RARB: variants seen among roughly 807,000 people sequenced by gnomAD.
The protein encoded by RARB is HBV-activated protein.
RARB carries 17 observed loss-of-function variants against 51.9 expected under a neutral mutation model. The ratio of observed to expected loss-of-function variants is 0.33; its 90% CI spans 0.22 to 0.49. The LOEUF (loss-of-function observed/expected upper bound fraction) is 0.49. RARB is among the 20% of genes least tolerant of loss of function. The pLI is 0.99. For missense variants in RARB, 369 were observed against 550.8 expected (o/e 0.67, Z 3.30); for synonymous variants, 215 against 195.4 (o/e 1.10, Z -0.84).
chr3:25,222,674 G>A (rs1701973081), intron 5 of RARB, among the ~76,000 whole-genome samples: 1 of 152,170 alleles, frequency 6.6e-6, no homozygotes, highest in African/African-American at 2.4e-5. Flanking sequence ...ATTCTGTTTA[G>A]AAACTTCACT....
chr3:25,275,884 T>G (rs755968594), intron 5 of RARB, among the ~76,000 whole-genome samples: 1 of 152,172 alleles, frequency 6.6e-6, no homozygotes, highest in African/African-American at 2.4e-5. Flanking sequence ...GTAACAAAGG[T>G]GCACGTTGTG....
chr3:24,839,865 G>A (rs970992831), intron 1 of RARB, among the ~76,000 whole-genome samples: 6 of 152,046 alleles, frequency 3.9e-5, no homozygotes, highest in East Asian at 3.8e-4. Context: ...AGAATGAATC[G>A]AAGTGCATGA....
intron 5 of RARB, among the ~76,000 whole-genome samples, chr3:25,328,106 G>C (rs536147981): frequency 6.6e-6 from 1 of 152,324 alleles, no homozygotes; most frequent in East Asian, 1.9e-4. Flanking sequence ...GTATAAGAGA[G>C]CTAATTCCTC....
intron 2 of RARB, among the ~76,000 whole-genome samples, chr3:24,990,999 A>G (rs1373796541): frequency 2.6e-5 from 4 of 152,226 alleles, no homozygotes; most frequent in African/African-American, 9.6e-5. Flanking sequence ...TCATTTTAAA[A>G]ATTACATTTT....
intron 5 of RARB, among the ~76,000 whole-genome samples, chr3:25,232,772 A>G (rs187300756): frequency 6.6e-6 from 1 of 152,168 alleles, no homozygotes; most frequent in Admixed American, 6.5e-5. Context: ...CTTTATCTAT[A>G]CAATCATTCT....
intron 5 of RARB, among the ~76,000 whole-genome samples, chr3:25,216,259 AT>A (rs1701830038): frequency 6.6e-6 from 1 of 151,990 alleles, no homozygotes; most frequent in African/African-American, 2.4e-5. Flanking sequence ...TTGGTAATTC[AT>A]TTCTTATTTT....
At chr3:25,449,352 T>C (rs1473135660) in intron 1 of RARB, among the ~76,000 whole-genome samples, 1 of 152,142 alleles carries the variant, frequency 6.6e-6, no homozygotes, top group African/African-American at 2.4e-5. Context: ...TGGGGGACTT[T>C]CCTATTTTAT....
intron 3 of RARB, among the ~76,000 whole-genome samples, chr3:25,079,343 C>G (rs1413918625): frequency 6.6e-6 from 1 of 152,256 alleles, no homozygotes; most frequent in East Asian, 1.9e-4. Flanking sequence ...TCTTCCTTTT[C>G]AAACTGAATG....
intron 5 of RARB, among the ~76,000 whole-genome samples, chr3:25,184,486 T>G (rs1156260362): frequency 1.3e-5 from 2 of 152,108 alleles, no homozygotes; most frequent in Non-Finnish European, 2.9e-5. Context: ...TTCATCTTGT[T>G]GAACCACAAT....
intron 4 of RARB, among the ~76,000 whole-genome samples, chr3:25,578,555 A>G (rs527275963): frequency 2.2e-4 from 34 of 152,340 alleles, no homozygotes; most frequent in African/African-American, 6.5e-4. Flanking sequence ...CTTCCGTGTC[A>G]TCTTCCTACG....
rs1473181902 is a variant in RARB, at chr3:25,334,357, G to A, written c.179-126836G>A. Reference sequence around the variant, plus strand: ...GGAATACTATGCAGCCATAAAAAAGGGATGAGTTCATGTCCTTTTTAGGGA... The same window carrying A: ...GGAATACTATGCAGCCATAAAAAAGAGATGAGTTCATGTCCTTTTTAGGGA... On this transcript the variant is annotated intron_variant, in intron 5 of 11. Transcript: ENST00000383772. Among the ~76,000 whole-genome samples the A allele has an allele frequency of 2.6e-5, 4 of 152,128 alleles. No homozygotes were observed. The South Asian group carries it at 6.2e-4, about 24-fold the overall frequency.
At chr3:25,146,492 G>GTTTTTTTTTTTTTTTT (rs751190061) in intron 4 of RARB, among the ~76,000 whole-genome samples, 2 of 126,328 alleles carry the variant, frequency 1.6e-5, no homozygotes, top group Non-Finnish European at 3.4e-5. Flanking sequence ...AATTTGCTAA[G>GTTTTTTTTTTTTTTTT]TTTTTTGTTT....
chr3:25,098,286 T>A (rs907085240), intron 3 of RARB, among the ~76,000 whole-genome samples: 1 of 152,124 alleles, frequency 6.6e-6, no homozygotes, highest in Non-Finnish European at 1.5e-5. Context: ...TCCAGAAAGA[T>A]TTTCATAACC....
chr3:25,091,357 G>A (rs1180625705), intron 3 of RARB, among the ~76,000 whole-genome samples: 1 of 152,156 alleles, frequency 6.6e-6, no homozygotes, highest in Non-Finnish European at 1.5e-5. Context: ...TTAGGAAAAT[G>A]AATTCTCAAG....
chr3:25,293,266 C>T (rs1703832913), intron 5 of RARB, among the ~76,000 whole-genome samples: 2 of 152,052 alleles, frequency 1.3e-5, no homozygotes, highest in South Asian at 4.1e-4. Flanking sequence ...CACTTACTGG[C>T]CGTGTCAGTC....
At chr3:24,970,946 T>C (rs774835331) in intron 2 of RARB, among the ~76,000 whole-genome samples, 1 of 152,036 alleles carries the variant, frequency 6.6e-6, no homozygotes, top group African/African-American at 2.4e-5. Flanking sequence ...TCAGTTACAA[T>C]TGTTCTTCTC....
intron 5 of RARB, among the ~76,000 whole-genome samples, chr3:25,344,359 G>C (rs915020946): frequency 4.6e-5 from 7 of 152,182 alleles, no homozygotes; most frequent in Admixed American, 3.9e-4. Flanking sequence ...AACAAATTAA[G>C]AGCAATTAAT....
chr3:25,467,771 C>A (rs1001067950), intron 2 of RARB, among the ~76,000 whole-genome samples: 3 of 152,210 alleles, frequency 2.0e-5, no homozygotes, highest in Non-Finnish European at 2.9e-5. Flanking sequence ...TCTCTTCTGA[C>A]AACCTTATTC....
chr3:25,138,313 T>C (rs764416677), intron 4 of RARB, among the ~76,000 whole-genome samples: 5 of 151,972 alleles, frequency 3.3e-5, no homozygotes, highest in Non-Finnish European at 5.9e-5. Context: ...ATACAACCTT[T>C]TGAAAGCAGC....
Sources: allele counts gnomAD v4.1 joint callset (sites outside exome capture counted in the v4.1 genomes callset), GRCh38; gene constraint gnomAD v4.1.1; transcripts MANE v1.5; gene names NCBI Gene and HGNC (gene_info 2026-07-23, HGNC 2026-07-21).